Variants in CPT1C observed in about 807,000 individuals in gnomAD.
The protein encoded by CPT1C is carnitine palmitoyltransferase 1C, also known as palmitoyl thioesterase CPT1C.
In CPT1C, 61 loss-of-function variants were observed where a neutral mutation model predicts 97.3. The observed-to-expected ratio is 0.63, with a 90% CI of 0.51 to 0.78. The LOEUF (loss-of-function observed/expected upper bound fraction) is 0.78, where lower values mean the gene tolerates loss of function less well. Ranked by LOEUF, CPT1C falls within the 30% of genes least tolerant of loss-of-function variation. CPT1C has a pLI of 0.00. For missense variants in CPT1C, 975 were observed against 1,065.5 expected (o/e 0.92, Z 1.18); for synonymous variants, 469 against 447.2 (o/e 1.05, Z -0.61).
Position 49,701,438 on chromosome 19 carries a change from G to C in CPT1C, c.555+20G>C. 6.3e-7 allele frequency: 1 copy of C among 1,594,796 alleles called. No homozygotes were observed. Among genetic ancestry groups the C allele is most frequent in the South Asian group, 1.1e-5 (1 of 89,578 alleles). ...CGCAAGGTGGGCCTGGGAGCGCGCA[G>C]ACGGGCTGGGGCGGCCGGGGCGGGC... On this transcript the variant is annotated intron_variant, in intron 6 of 19. Coordinates refer to ENST00000598293, the MANE Select transcript of CPT1C (RefSeq NM_001199753.2).
chr19:49,706,161 TGTGGAAG>T lies in CPT1C; in HGVS notation c.1160+59_1161-62del. 1 of 1,566,488 alleles carries T rather than the reference TGTGGAAG, an allele frequency of 6.4e-7. No homozygotes were observed. Among genetic ancestry groups the T allele is most frequent in the Non-Finnish European group, 8.7e-7 (1 of 1,154,672 alleles). Reference sequence around the variant, plus strand: ...TCAGAGGCCGCCAGTGTCCTGAGACTGTGGAAGGGCAGGGTGGGGCCAGGTGGCGGCT... The same window carrying T: ...TCAGAGGCCGCCAGTGTCCTGAGACTGGCAGGGTGGGGCCAGGTGGCGGCT... On this transcript the variant is annotated intron_variant, in intron 11 of 19. Coordinates refer to ENST00000598293, the MANE Select transcript of CPT1C (RefSeq NM_001199753.2). The surrounding 1 kb of genome is among the most constrained non-coding windows in gnomAD (Gnocchi z 4.8).
Position 49,700,753 on chromosome 19 carries a change from C to T in CPT1C, c.351C>T (p.Ala117=), listed in dbSNP as rs143981053. ...AALFASCLWG[A]LIFTLHVALR... ...TGTTTGCCTCGTGTTTGTGGGGAGCCCTGATCTTCACACTGCACGTGGCCC... is the reference window on the plus strand; with the variant it reads ...TGTTTGCCTCGTGTTTGTGGGGAGCTCTGATCTTCACACTGCACGTGGCCC... Residue 117 remains alanine, a synonymous_variant, in exon 5 of 20, where the codon GCC becomes GCT. Transcript: ENST00000598293. 1.2e-6 allele frequency: 2 copies of T among 1,613,080 alleles called. No individual in the cohort carries two copies. Among genetic ancestry groups the T allele is most frequent in the Non-Finnish European group, 8.5e-7 (1 of 1,180,010 alleles).
intron 7 of CPT1C, among the ~76,000 whole-genome samples, chr19:49,703,174 TTCTC>T (rs1356370638): frequency 2.3e-5 from 3 of 131,898 alleles, no homozygotes; most frequent in Admixed American, 7.9e-5. Context: ...CCTGCCTGCC[TTCTC>T]TCTCTCTTTC....
chr19:49,712,005 TG>T, intron 17 of CPT1C, 44 bp downstream of exon 17: 1 of 1,594,574 alleles, frequency 6.3e-7, no homozygotes, highest in South Asian at 1.1e-5. Context: ...TGGGAGACCA[TG>T]GAAGAAGGGA....
chr19:49,704,191 G>GA (rs1464813978), intron 7 of CPT1C, among the ~76,000 whole-genome samples: 2 of 151,908 alleles, frequency 1.3e-5, no homozygotes, highest in South Asian at 2.1e-4. Flanking sequence ...TTTTGGGGGG[G>GA]ACGGAGTTTC....
chr19:49,705,102 G>A lies in CPT1C; in HGVS notation c.867G>A (p.Gln289=), dbSNP rs1024589941. Residue 289 remains glutamine, a synonymous_variant, in exon 9 of 20, where the codon CAG becomes CAA. Transcript: ENST00000598293. Reference sequence around the variant, plus strand: ...TGTACCGCCACCGCCTGAACCGCCAGGAGATACCCCCGGTGAGAGGGCCCC... The same window carrying A: ...TGTACCGCCACCGCCTGAACCGCCAAGAGATACCCCCGGTGAGAGGGCCCC... ...LLLYRHRLNR[Q]EIPPTLLMGM... 5.0e-6 allele frequency: 8 copies of A among 1,613,986 alleles called. No individual in the cohort carries two copies. Among genetic ancestry groups the A allele is most frequent in the Non-Finnish European group, 6.8e-6 (8 of 1,180,014 alleles).
chr19:49,701,348 C>G lies in CPT1C; in HGVS notation c.485C>G (p.Pro162Arg), dbSNP rs371599507. Residue 162 changes from proline (P) to arginine (R), a missense_variant, in exon 6 of 20, where the codon CCG (proline) becomes CGG (arginine). Pro to Arg is a moderately radical substitution (Grantham distance 103, BLOSUM62 -2). This residue lies in a region of CPT1C where 596 missense variants were observed against 603.1 expected (regional missense o/e 0.99). Coordinates refer to ENST00000598293, the MANE Select transcript of CPT1C (RefSeq NM_001199753.2). ...ALVRIFSGRH[P>R]MLFSYQRSLP... Reference sequence around the variant, plus strand: ...GTCCGCATCTTCTCTGGCCGCCACCCGATGCTGTTCAGTTACCAGCGCTCC... The same window carrying G: ...GTCCGCATCTTCTCTGGCCGCCACCGGATGCTGTTCAGTTACCAGCGCTCC... The G allele has an allele frequency of 1.2e-6, 2 of 1,613,588 alleles. No individual in the cohort carries two copies. The highest frequency in any genetic ancestry group is 1.3e-5 in the African/African-American group (1 of 75,030).
Position 49,697,306 on chromosome 19 carries a change from A to G in CPT1C, c.142-20A>G. 1 of 1,613,464 alleles carries G rather than the reference A, an allele frequency of 6.2e-7. No individual in the cohort carries two copies. Among genetic ancestry groups the G allele is most frequent in the Non-Finnish European group, 8.5e-7 (1 of 1,179,922 alleles). On this transcript the variant is annotated intron_variant, in intron 3 of 19. Transcript: ENST00000598293. ...GAGGAGAGGGCAGATGATTCAATGG[A>G]TGCCCTTTCCTCCCCACAGAATGAC...
chr19:49,692,183 CCTG>C, intron 2 of CPT1C, 53 bp from the exon 3 acceptor site: 1 of 1,582,238 alleles, frequency 6.3e-7, no homozygotes, highest in African/African-American at 1.3e-5. Flanking sequence ...GGCCTGGACT[CCTG>C]AGTCTGAGGG....
chr19:49,690,687 T>C, upstream of CPT1C: 1 of 537,064 alleles, frequency 1.9e-6, no homozygotes, highest in Non-Finnish European at 3.1e-6. This position sits in a 1 kb window ranked among gnomAD's most constrained non-coding sequence, Gnocchi z 4.4. Flanking sequence ...CTGTCTACCT[T>C]GAATCCAACC....
intron 5 of CPT1C, 38 bp from the exon 6 acceptor site, chr19:49,701,279 G>A: frequency 6.4e-7 from 1 of 1,573,092 alleles, no homozygotes. Context: ...CCCTGGCTCC[G>A]GTGAGGGGTT....
In CPT1C at chr19:49,706,456, G is replaced by T. The variant is rs375722992; in HGVS notation, c.1343+43G>T. The T allele has an allele frequency of 1.1e-5, 15 of 1,421,376 alleles. No individual in the cohort carries two copies. In the African/African-American group the frequency reaches 1.8e-4, roughly 17 times the overall value. 88.0% of individuals were successfully genotyped at this position (1,421,376 alleles called of 1,614,324 possible). On this transcript the variant is annotated intron_variant, in intron 12 of 19. Transcript: ENST00000598293. This position sits in a 1 kb window ranked among gnomAD's most constrained non-coding sequence, Gnocchi z 4.8. ...TGGGGCCCCCAGATGTGGCACCCGA[G>T]AATCCAGTATCAGACCTAGGACCCC...
intron 16 of CPT1C, 150 bp downstream of exon 16, chr19:49,711,007 C>T (rs2083839790): frequency 6.7e-6 from 5 of 745,204 alleles, no homozygotes; most frequent in Non-Finnish European, 1.1e-5. Context: ...TCAAAGAGCT[C>T]ACTGATGGGG....
Position 49,712,756 on chromosome 19 carries a change from G to C in CPT1C, c.2040G>C (p.Gln680His), listed in dbSNP as rs1168135704. The C allele has an allele frequency of 6.2e-7, 1 of 1,613,832 alleles. No homozygotes were observed. Among genetic ancestry groups the C allele is most frequent in the Non-Finnish European group, 8.5e-7 (1 of 1,179,864 alleles). ...CTCAGGTCCATTCGGAGCAGTGGCA[G>C]CTGTCCACCAGCCAGATCCCTGTTC... ...FLTQVHSEQW[Q>H]LSTSQIPVQQ... Residue 680 changes from glutamine (Q) to histidine (H), a missense_variant, in exon 18 of 20, where the codon CAG becomes CAC. Transcript: ENST00000598293.
rs150291550 is a variant in CPT1C, at chr19:49,700,693, A to C, written c.291A>C (p.Gln97His). The C allele has an allele frequency of 4.1e-4, 664 of 1,608,866 alleles. 2 individuals carry two copies. The highest frequency in any genetic ancestry group is 3.7e-4 in the Non-Finnish European group (442 of 1,179,984). ...GTTTCTCTCCCCGCAGGGGTGGACA[A>C]CACCACGGGCTCCGGGGGGTCCTGG... ...IKELLPDWGGQHHGLRGVLAA... is the reference protein window; with the variant it reads ...IKELLPDWGGHHHGLRGVLAA... The change falls in exon 5 of 20, where the codon CAA becomes CAC. Residue 97 changes from glutamine to histidine, a missense_variant. Physicochemically the swap from Gln to His is conservative, Grantham distance 24. Transcript: ENST00000598293.
Position 49,704,742 on chromosome 19 carries a change from G to T in CPT1C, c.726G>T (p.Leu242=), listed in dbSNP as rs1245418948. The T allele has an allele frequency of 6.2e-7, 1 of 1,613,882 alleles. No homozygotes were observed. Among genetic ancestry groups the T allele is most frequent in the African/African-American group, 1.3e-5 (1 of 74,844 alleles). Residue 242 remains leucine, a synonymous_variant, in exon 8 of 20, where the codon CTG becomes CTT. Transcript: ENST00000598293. ...VSDWWEEFVY[L]RSRNPLMVNS... ...ACTGGTGGGAGGAATTTGTGTACCT[G>T]CGCTCCCGAAATCCGCTGATGGTGA...
intron 5 of CPT1C, 27 bp downstream of exon 5, chr19:49,700,882 G>C (rs1472923514): frequency 5.6e-6 from 9 of 1,603,812 alleles, no homozygotes; most frequent in Non-Finnish European, 7.7e-6. Context: ...GCCCTGCTCA[G>C]GCTCTCCTGG....
chr19:49,710,868 C>A lies in CPT1C; in HGVS notation c.1866+11C>A. 2 of 1,600,126 alleles carry A rather than the reference C, an allele frequency of 1.2e-6. No individual in the cohort carries two copies. The highest frequency in any genetic ancestry group is 1.7e-6 in the Non-Finnish European group (2 of 1,170,332). On this transcript the variant is annotated intron_variant, in intron 16 of 19. Transcript: ENST00000598293. ...GACAAAGAGAAGACGGTGGGTGCAG[C>A]CCTCGCTTGAGGCTTCAGTTATTTC...
rs777442037 is a variant in CPT1C, at chr19:49,701,389, G to A, written c.526G>A (p.Val176Met). The change falls in exon 6 of 20, where the codon GTG becomes ATG. Residue 176 changes from valine (V) to methionine (M), a missense_variant. Physicochemically the swap from Val to Met is conservative, Grantham distance 21. This residue lies in a region of CPT1C where 596 missense variants were observed against 603.1 expected (regional missense o/e 0.99). Coordinates refer to ENST00000598293, the MANE Select transcript of CPT1C (RefSeq NM_001199753.2). Reference protein sequence around the residue: ...SYQRSLPRQPVPSVQDTVRKY... With the variant: ...SYQRSLPRQPMPSVQDTVRKY... The stretch of plus-strand genomic sequence containing the variant: ...CCAGCGCTCCCTGCCACGCCAGCCC[G>A]TGCCCTCTGTGCAGGACACCGTGCG... 3 of 1,613,370 alleles carry A rather than the reference G, an allele frequency of 1.9e-6. No homozygotes were observed. Among genetic ancestry groups the A allele is most frequent in the Non-Finnish European group, 2.5e-6 (3 of 1,179,866 alleles).
Sources: allele counts gnomAD v4.1 joint callset (sites outside exome capture counted in the v4.1 genomes callset), GRCh38; gene constraint gnomAD v4.1.1; regional missense constraint gnomAD v4.1.1; non-coding constraint Gnocchi (gnomAD v3.1); transcripts MANE v1.5; gene names NCBI Gene and HGNC (gene_info 2026-07-23, HGNC 2026-07-21).